Variants in SHANK2 observed in about 807,000 individuals in gnomAD.
SHANK2 encodes SH3 and multiple ankyrin repeat domains 2, also known as SH3 and multiple ankyrin repeat domains protein 2.
In SHANK2, 43 loss-of-function variants were observed where a neutral mutation model predicts 133.7. That is an observed-to-expected ratio of 0.32 (90% CI 0.25 to 0.41). SHANK2 has a LOEUF of 0.41. Ranked by LOEUF, SHANK2 falls within the 10% of genes least tolerant of loss-of-function variation. SHANK2 has a pLI of 1.00. For synonymous variants in SHANK2, 1,017 were observed against 952.8 expected (o/e 1.07, Z -1.24); for missense variants, 1,994 against 2,235.8 (o/e 0.89, Z 2.18).
At chr11:70,511,273 C>G (rs1173908581) in intron 17 of SHANK2, among the ~76,000 whole-genome samples, 1 of 152,226 alleles carries the variant, frequency 6.6e-6, no homozygotes, top group East Asian at 1.9e-4. Context: ...TTTCCCTACC[C>G]AGTTCAGCAG....
chr11:70,762,340 T>C (rs1555040407), intron 14 of SHANK2, among the ~76,000 whole-genome samples: 1 of 152,004 alleles, frequency 6.6e-6, no homozygotes, highest in Non-Finnish European at 1.5e-5. Flanking sequence ...TCTCCCTGGG[T>C]GGGTACTGTC....
chr11:70,826,621 C>G (rs1555057273), intron 11 of SHANK2: 1 of 453,550 alleles, frequency 2.2e-6, no homozygotes, highest in Non-Finnish European at 4.6e-6. Flanking sequence ...GGAGAGGTGG[C>G]GGGTGTCTGG....
At chr11:70,610,749 G>C (rs2060647358) in intron 17 of SHANK2, among the ~76,000 whole-genome samples, 1 of 152,262 alleles carries the variant, frequency 6.6e-6, no homozygotes, top group Non-Finnish European at 1.5e-5. Context: ...CTGGCGTGCA[G>C]GAAAACCAGG....
At chr11:70,678,973 C>T (rs1019223718) in intron 15 of SHANK2, among the ~76,000 whole-genome samples, 1 of 152,232 alleles carries the variant, frequency 6.6e-6, no homozygotes, top group Non-Finnish European at 1.5e-5. Flanking sequence ...CTCCAACACA[C>T]TCACTCTCCT....
intron 17 of SHANK2, among the ~76,000 whole-genome samples, chr11:70,539,434 G>A (rs572817114): frequency 1.8e-3 from 243 of 134,800 alleles, no homozygotes; most frequent in Non-Finnish European, 3.1e-3. Flanking sequence ...AGATCTGCGG[G>A]GGAAAGGTGC....
chr11:71,097,025 A>G (rs1951627577), intron 6 of SHANK2, among the ~76,000 whole-genome samples: 1 of 151,912 alleles, frequency 6.6e-6, no homozygotes, highest in Admixed American at 6.6e-5. Context: ...AAATGATCCC[A>G]CTCTGTTCAT....
chr11:70,715,911 A>T (rs1945906755), intron 14 of SHANK2, among the ~76,000 whole-genome samples: 1 of 152,188 alleles, frequency 6.6e-6, no homozygotes, highest in Non-Finnish European at 1.5e-5. Flanking sequence ...AGACTTGTCC[A>T]CGGCTGAGCT....
intron 11 of SHANK2, among the ~76,000 whole-genome samples, chr11:70,884,657 C>G (rs568635423): frequency 6.6e-6 from 1 of 152,228 alleles, no homozygotes; most frequent in Admixed American, 6.5e-5. Flanking sequence ...CCGGTCCCCC[C>G]CACCGAGTGT....
intron 9 of SHANK2, among the ~76,000 whole-genome samples, chr11:71,067,930 C>T (rs1290391544): frequency 6.6e-6 from 1 of 151,798 alleles, no homozygotes; most frequent in African/African-American, 2.4e-5. Context: ...CCAGCATCAC[C>T]ACCATCACCA....
intron 17 of SHANK2, among the ~76,000 whole-genome samples, chr11:70,640,216 G>C (rs539635872): frequency 6.6e-6 from 1 of 152,346 alleles, no homozygotes; most frequent in South Asian, 2.1e-4. Flanking sequence ...AGGACCTTGA[G>C]ATGAGAAGAT....
rs141683325 is a variant in SHANK2 at position 70,490,168 on chromosome 11, G to T, written c.2551+108C>A. On this transcript the variant is annotated intron_variant, in intron 23 of 25. Coordinates refer to ENST00000601538, the MANE Select transcript of SHANK2 (RefSeq NM_012309.5). ...GGCTGGCAGGGCCTTGCTGGGGTGG[G>T]ACGCCAAGGCAACTGTGAGAGGCCC... 6.9e-3 allele frequency: 6,422 copies of T among 932,002 alleles called. 19 individuals carry two copies. The highest frequency in any genetic ancestry group is 0.011 in the Admixed American group (572 of 50,920). 57.7% of individuals were successfully genotyped at this position (932,002 alleles called of 1,614,324 possible).
chr11:70,677,870 C>T (rs782582542), intron 15 of SHANK2, among the ~76,000 whole-genome samples: 2 of 152,222 alleles, frequency 1.3e-5, no homozygotes, highest in Non-Finnish European at 2.9e-5. Flanking sequence ...ATCTTAAGAA[C>T]GAGCTGCTTG....
rs117816589 is a variant in SHANK2, at chr11:70,539,260, C to T, written c.2062-36329G>A. Among the ~76,000 whole-genome samples the T allele has an allele frequency of 5.3e-5, 8 of 152,316 alleles. No homozygotes were observed. In the East Asian group the frequency reaches 1.4e-3, roughly 26 times the overall value. On this transcript the variant is annotated intron_variant, in intron 17 of 25. Transcript: ENST00000601538. ...CACAGAGAGCAGGCTGTGCCACACG[C>T]GGGCCTGGCATGACCTGGTGCCCAA...
intron 17 of SHANK2, among the ~76,000 whole-genome samples, chr11:70,558,842 G>A (rs1182145822): frequency 2.6e-5 from 4 of 152,180 alleles, no homozygotes; most frequent in African/African-American, 9.6e-5. Context: ...TGGAGGACGT[G>A]AAAGAAAACA....
chr11:70,867,178 G>A (rs1243288608), intron 11 of SHANK2, among the ~76,000 whole-genome samples: 2 of 151,506 alleles, frequency 1.3e-5, no homozygotes, highest in African/African-American at 4.8e-5. Flanking sequence ...TCCCCACTCT[G>A]ACTCTCTCAA....
intron 10 of SHANK2, among the ~76,000 whole-genome samples, chr11:70,951,518 G>A (rs144481326): frequency 4.1e-5 from 6 of 145,924 alleles, no homozygotes; most frequent in Non-Finnish European, 9.0e-5. Context: ...TGGCTGCTGT[G>A]CTGTGATGTC....
At position 70,500,521 on chromosome 11, in the gene SHANK2, CAGG is replaced by C. The variant is rs1565541296; in HGVS notation, c.2308+46_2308+48del. ...CATCACAAAGGATGTTTCTGTTCCA[CAGG>C]GGGGTGATGGGCAGGGGGCTGAGAC... On this transcript the variant is annotated intron_variant, in intron 21 of 25. Transcript: ENST00000601538. This position sits in a 1 kb window ranked among gnomAD's most constrained non-coding sequence, Gnocchi z 4.5. The C allele has an allele frequency of 6.3e-7, 1 of 1,586,518 alleles. No individual in the cohort carries two copies. Among genetic ancestry groups the C allele is most frequent in the African/African-American group, 1.3e-5 (1 of 74,572 alleles).
intron 10 of SHANK2, among the ~76,000 whole-genome samples, chr11:70,918,423 G>C (rs1446797743): frequency 2.0e-5 from 3 of 152,234 alleles, no homozygotes; most frequent in Non-Finnish European, 2.9e-5. Context: ...TCCATGCCAG[G>C]TATAGCCCAG....
At chr11:70,944,895 T>C (rs1555085083) in intron 10 of SHANK2, among the ~76,000 whole-genome samples, 1 of 152,246 alleles carries the variant, frequency 6.6e-6, no homozygotes, top group East Asian at 1.9e-4. Flanking sequence ...GCAATCATTA[T>C]TGATCTTCAA....
Sources: gnomAD v4.1 joint callset for allele counts (sites outside exome capture counted in the v4.1 genomes callset) on GRCh38, gnomAD v4.1.1 for gene constraint, Gnocchi (gnomAD v3.1) non-coding constraint, MANE v1.5 for transcripts, NCBI Gene and HGNC (gene_info 2026-07-23, HGNC 2026-07-21) for gene names.